The following RPTOR variants were observed in gnomAD, a reference collection of about 807,000 sequenced individuals.
The protein encoded by RPTOR is regulatory associated protein of MTOR complex 1.
RPTOR carries 21 observed loss-of-function variants against 169.9 expected under a neutral mutation model. The ratio of observed to expected loss-of-function variants is 0.12; its 90% CI spans 0.09 to 0.18. The LOEUF is 0.18. Ranked by LOEUF, RPTOR falls within the 10% of genes least tolerant of loss-of-function variation. The pLI, the probability that RPTOR is intolerant of heterozygous loss-of-function variation, is 1.00. For synonymous variants in RPTOR, 732 were observed against 753.2 expected, an observed-to-expected ratio of 0.97 and a Z score of 0.46; for missense variants, 1,133 against 1,855.9, an observed-to-expected ratio of 0.61 and a Z score of 7.16.
At chr17:80,751,842 T>C (rs1374012195) in intron 5 of RPTOR, among the ~76,000 whole-genome samples, 1 of 152,210 alleles carries the variant, frequency 6.6e-6, no homozygotes, top group Non-Finnish European at 1.5e-5. Context: ...TGCTGACCGC[T>C]TGGTCCACGA....
intron 11 of RPTOR, among the ~76,000 whole-genome samples, chr17:80,852,401 C>A (rs916593667): frequency 6.6e-6 from 1 of 152,044 alleles, no homozygotes; most frequent in Admixed American, 6.6e-5. Flanking sequence ...CAGTGGCATG[C>A]GACAGCCCCC....
At chr17:80,846,835 C>T (rs116280724) in intron 11 of RPTOR, among the ~76,000 whole-genome samples, 33 of 152,378 alleles carry the variant, frequency 2.2e-4, no homozygotes, top group African/African-American at 7.9e-4. Flanking sequence ...CCTCCTCCAC[C>T]CTCAGATAAG....
chr17:80,827,147 C>T (rs986033764), intron 9 of RPTOR, among the ~76,000 whole-genome samples: 1 of 152,214 alleles, frequency 6.6e-6, no homozygotes, highest in Non-Finnish European at 1.5e-5. Flanking sequence ...AAGAAAACCT[C>T]ATTCACAGAT....
At chr17:80,663,980 C>T (rs79252209) in intron 3 of RPTOR, among the ~76,000 whole-genome samples, 9,415 of 152,134 alleles carry the variant, frequency 0.062, 969 homozygotes, top group African/African-American at 0.22. Flanking sequence ...CCCGTGACAG[C>T]CGCGTGGGCA....
Position 80,853,355 on chromosome 17 carries a change from T to C in RPTOR, c.1315-2109T>C, listed in dbSNP as rs114536805. On this transcript the variant is annotated intron_variant, in intron 11 of 33. Transcript: ENST00000306801. ...CTCCAGGACCCGCTGCCCAGCTGTGTCCTGTGCATCTTCTCCTGGGGGGAG... is the reference window on the plus strand; with the variant it reads ...CTCCAGGACCCGCTGCCCAGCTGTGCCCTGTGCATCTTCTCCTGGGGGGAG... Among the ~76,000 whole-genome samples, 1,094 of 152,328 alleles carry C rather than the reference T, an allele frequency of 7.2e-3. 11 individuals are homozygous for C. The highest frequency in any genetic ancestry group is 0.025 in the African/African-American group (1,032 of 41,572).
intron 20 of RPTOR, among the ~76,000 whole-genome samples, chr17:80,899,965 G>A (rs1001479457): frequency 3.3e-5 from 5 of 152,166 alleles, no homozygotes; most frequent in Admixed American, 2.6e-4. Context: ...GGATTGGACA[G>A]ATATTTTGAC....
chr17:80,728,024 CGGATGGATGGATGGATGAAT>C (rs1244908017), intron 4 of RPTOR, among the ~76,000 whole-genome samples: 1 of 151,890 alleles, frequency 6.6e-6, no homozygotes, highest in East Asian at 1.9e-4. Context: ...AATGGATGGG[CGGATGGATGGATGGATGAAT>C]GGATGGATGG....
chr17:80,687,666 C>A (rs74002811), intron 3 of RPTOR, among the ~76,000 whole-genome samples: 1 of 152,128 alleles, frequency 6.6e-6, no homozygotes, highest in East Asian at 1.9e-4. Flanking sequence ...AGCACAGCCA[C>A]GGAATGGTTG....
At chr17:80,694,381 G>T (rs150087188) in intron 3 of RPTOR, among the ~76,000 whole-genome samples, 72 of 152,348 alleles carry the variant, frequency 4.7e-4, no homozygotes, top group Admixed American at 4.2e-3. Context: ...CAGGTGAGGC[G>T]CATGGTAGAT....
Position 80,629,163 on chromosome 17 carries a change from GTCTCTGTCT to G in RPTOR, c.265+3374_265+3382del, listed in dbSNP as rs538926358. ...ACATTGTACCGCAGCTCTTCCGTGT[GTCTCTGTCT>G]TCTGGGACTCAGCTGTCTATGTATT... is the stretch of plus-strand genomic sequence containing the variant. On this transcript the variant is annotated intron_variant, in intron 2 of 33. Transcript: ENST00000306801. Among the ~76,000 whole-genome samples the G allele has an allele frequency of 2.5e-3, 374 of 151,020 alleles. 2 individuals carry two copies. Among genetic ancestry groups the G allele is most frequent in the African/African-American group, 8.3e-3 (341 of 40,878 alleles).
intron 3 of RPTOR, among the ~76,000 whole-genome samples, chr17:80,644,094 G>C (rs1279518007): frequency 6.6e-6 from 1 of 152,218 alleles, no homozygotes; most frequent in Non-Finnish European, 1.5e-5. Context: ...TATTCTTTTC[G>C]CTCTTAACCA....
At chr17:80,642,467 TG>T (rs1465610317) in intron 2 of RPTOR, among the ~76,000 whole-genome samples, 1 of 152,140 alleles carries the variant, frequency 6.6e-6, no homozygotes, top group African/African-American at 2.4e-5. Context: ...GATGAGCTCA[TG>T]GTAATGTTAA....
chr17:80,642,846 G>A (rs1254958679), intron 2 of RPTOR, among the ~76,000 whole-genome samples: 1 of 152,150 alleles, frequency 6.6e-6, no homozygotes, highest in African/African-American at 2.4e-5. Flanking sequence ...CTGAAACCAT[G>A]AAATGCCACA....
chr17:80,594,430 T>G (rs2065130169), intron 1 of RPTOR, among the ~76,000 whole-genome samples: 1 of 152,246 alleles, frequency 6.6e-6, no homozygotes, highest in Non-Finnish European at 1.5e-5. Context: ...CTTTGAGTTT[T>G]GAGTTCGATA....
At chr17:80,962,334 G>A in intron 31 of RPTOR, 127 bp from the exon 32 acceptor site, 1 of 747,018 alleles carries the variant, frequency 1.3e-6, no homozygotes, top group Non-Finnish European at 2.3e-6. Context: ...CATCCAGGCA[G>A]CTTTTTCCTT....
intron 1 of RPTOR, among the ~76,000 whole-genome samples, chr17:80,574,631 C>T (rs1215202824): frequency 1.3e-5 from 2 of 151,880 alleles, no homozygotes; most frequent in Non-Finnish European, 2.9e-5. Context: ...TTATTCCTGA[C>T]ATTGAGATTT....
At chr17:80,580,466 T>G (rs552088708) in intron 1 of RPTOR, among the ~76,000 whole-genome samples, 30 of 152,358 alleles carry the variant, frequency 2.0e-4, no homozygotes, top group African/African-American at 7.0e-4. Context: ...TGCAATTAAG[T>G]AGACGCTTGA....
At chr17:80,736,355 C>T (rs2066433350) in intron 5 of RPTOR, among the ~76,000 whole-genome samples, 1 of 152,124 alleles carries the variant, frequency 6.6e-6, no homozygotes, top group Admixed American at 6.5e-5. Flanking sequence ...GCACAGAAAC[C>T]TGTCCGACGG....
At chr17:80,880,549 A>T (rs528332237) in intron 14 of RPTOR, 60 bp downstream of exon 14, 5 of 1,470,680 alleles carry the variant, frequency 3.4e-6, no homozygotes, top group Non-Finnish European at 4.8e-6. Flanking sequence ...CTCTGCCCAC[A>T]CGCTGCACTG....
Sources: allele counts gnomAD v4.1 joint callset (sites outside exome capture counted in the v4.1 genomes callset), GRCh38; gene constraint gnomAD v4.1.1; transcripts MANE v1.5; gene names NCBI Gene and HGNC (gene_info 2026-07-23, HGNC 2026-07-21).